Variants in ACSM3 observed in about 807,000 individuals in gnomAD.
ACSM3 encodes the protein acyl-CoA synthetase medium chain family member 3.
Under a neutral mutation model 74.1 loss-of-function variants are expected in ACSM3, and 61 were observed. That is an observed-to-expected ratio of 0.82 (90% CI 0.67 to 1.02). The LOEUF is 1.02. Among genes scored for constraint, ACSM3 ranks in the 50% least tolerant of loss-of-function variants. The probability of loss-of-function intolerance (pLI) is 0.00; values close to 1 mark genes in which losing one functional copy is unlikely to be tolerated. For missense variants in ACSM3, 660 were observed against 697.0 expected, an observed-to-expected ratio of 0.95 and a Z score of 0.60; for synonymous variants, 213 against 241.5, an observed-to-expected ratio of 0.88 and a Z score of 1.09.
rs564108348 is a variant in ACSM3 at position 20,781,012 on chromosome 16, A to C, written c.821A>C (p.Asn274Thr). ...LDLTPSDVMW[N>T]TSDTGWAKSA... ...TTGACACCCTCAGATGTGATGTGGA[A>C]TACCTCAGATACGGGCTGGGCAAAG... Residue 274 changes from asparagine to threonine, a missense_variant, in exon 6 of 14, where the codon AAT becomes ACT. Physicochemically the swap from Asn to Thr is moderately conservative, Grantham distance 65. Coordinates refer to ENST00000289416, the MANE Select transcript of ACSM3 (RefSeq NM_005622.4). 2.5e-6 allele frequency: 4 copies of C among 1,614,192 alleles called. No individual in the cohort carries two copies. In the African/African-American group the frequency reaches 4.0e-5, roughly 16 times the overall value.
chr16:20,736,078 TTTA>T (rs1440078698), intron 1 of ACSM3: 1 of 152,234 alleles, frequency 6.6e-6, no homozygotes, highest in African/African-American at 2.4e-5. Context: ...GTGGCTGTGA[TTTA>T]TTGTTACAAT....
intron 1 of ACSM3, among the ~76,000 whole-genome samples, chr16:20,694,550 C>G (rs2079679616): frequency 6.6e-6 from 1 of 152,172 alleles, no homozygotes; most frequent in Non-Finnish European, 1.5e-5. Flanking sequence ...TGCAATTTTT[C>G]TATGCAGGTG....
chr16:20,704,060 T>C (rs1352512815), intron 1 of ACSM3, among the ~76,000 whole-genome samples: 1 of 152,216 alleles, frequency 6.6e-6, no homozygotes. Flanking sequence ...ACTTCTTAAG[T>C]ACACATTGCT....
At chr16:20,691,183 C>T in intron 1 of ACSM3, 1 of 1,580,804 alleles carries the variant, frequency 6.3e-7, no homozygotes, top group Non-Finnish European at 8.6e-7. Flanking sequence ...TCATTAGCCA[C>T]TGCATGGTGA....
intron 2 of ACSM3, among the ~76,000 whole-genome samples, chr16:20,775,440 G>A (rs369109362): frequency 1.4e-3 from 216 of 152,266 alleles, no homozygotes; most frequent in South Asian, 0.011. Flanking sequence ...TACTGCTGAG[G>A]ATCTTCCACT....
At chr16:20,788,064 GTTA>G (rs931250541) in intron 9 of ACSM3, among the ~76,000 whole-genome samples, 5 of 152,068 alleles carry the variant, frequency 3.3e-5, no homozygotes, top group African/African-American at 9.7e-5. Context: ...GATGGGTACT[GTTA>G]TTTACTTCTC....
intron 1 of ACSM3, chr16:20,735,985 T>C (rs1007123811): frequency 5.9e-5 from 9 of 152,212 alleles, no homozygotes. Flanking sequence ...ACCTTTTGAC[T>C]AAAGGTGATT....
intron 4 of ACSM3, among the ~76,000 whole-genome samples, chr16:20,779,527 A>G (rs775350751): frequency 6.6e-6 from 1 of 152,156 alleles, no homozygotes; most frequent in Non-Finnish European, 1.5e-5. Context: ...TCAACCCCAC[A>G]TGCCTGGATA....
At chr16:20,745,560 C>A (rs1025313272) in intron 1 of ACSM3, among the ~76,000 whole-genome samples, 1 of 150,574 alleles carries the variant, frequency 6.6e-6, no homozygotes, top group Non-Finnish European at 1.5e-5. Flanking sequence ...CCAGCCTGGG[C>A]AAAATAGACT....
intron 1 of ACSM3, among the ~76,000 whole-genome samples, chr16:20,741,165 GACA>G (rs2079916426): frequency 6.6e-6 from 1 of 152,202 alleles, no homozygotes; most frequent in Admixed American, 6.5e-5. Context: ...TGGAGGCTGA[GACA>G]GGAGAAGTCG....
rs998645565 is a variant in ACSM3, at chr16:20,781,072, A to C, written c.881A>C (p.Gln294Pro). 3 of 1,614,066 alleles carry C rather than the reference A, an allele frequency of 1.9e-6. No individual in the cohort carries two copies. Among genetic ancestry groups the C allele is most frequent in the Non-Finnish European group, 2.5e-6 (3 of 1,180,034 alleles). ...AWSSVFSPWI[Q>P]GACVFTHHLP... ...AGTAGTGTTTTTTCTCCGTGGATCC[A>C]GGGAGCATGTGTATTCACACACCAT... Residue 294 changes from glutamine to proline, a missense_variant, in exon 6 of 14, where the codon CAG (glutamine) becomes CCG (proline). Physicochemically the swap from Gln to Pro is moderately conservative, Grantham distance 76. Coordinates refer to ENST00000289416, the MANE Select transcript of ACSM3 (RefSeq NM_005622.4).
At chr16:20,773,578 CA>C (rs1383784727) in intron 2 of ACSM3, among the ~76,000 whole-genome samples, 2 of 152,078 alleles carry the variant, frequency 1.3e-5, no homozygotes, top group African/African-American at 4.8e-5. Context: ...ATTTTCAAGA[CA>C]TTTTTTGCTT....
In ACSM3 at chr16:20,756,368, A is replaced by G. The variant is rs1160540352; in HGVS notation, c.-52+752A>G. ...GTATCTCATTGTGGTTTTGATTTGC[A>G]TTTCTCTGATGGCCAGTGATGATGA... On this transcript the variant is annotated intron_variant, in intron 3 of 3. Transcript: ENST00000561584. Among the ~76,000 whole-genome samples, 4 of 151,686 alleles carry G rather than the reference A, an allele frequency of 2.6e-5. No homozygotes were observed. The East Asian group carries it at 7.7e-4, about 29-fold the overall frequency.
chr16:20,742,728 A>G (rs2079938014), intron 1 of ACSM3, among the ~76,000 whole-genome samples: 2 of 149,466 alleles, frequency 1.3e-5, no homozygotes. Context: ...CAAGTGGCTG[A>G]CTCTGGAGCC....
At chr16:20,751,851 A>G (rs1035298713) in intron 2 of ACSM3, among the ~76,000 whole-genome samples, 1 of 152,208 alleles carries the variant, frequency 6.6e-6, no homozygotes, top group Non-Finnish European at 1.5e-5. Context: ...CTCCAGCCAA[A>G]CTGATTCTAG....
intron 1 of ACSM3, among the ~76,000 whole-genome samples, chr16:20,701,347 A>G (rs2079712285): frequency 6.6e-6 from 1 of 152,102 alleles, no homozygotes; most frequent in Non-Finnish European, 1.5e-5. Flanking sequence ...TTGACCAATG[A>G]CTTCCCCACT....
intron 1 of ACSM3, among the ~76,000 whole-genome samples, chr16:20,739,364 T>G (rs1045201593): frequency 6.6e-6 from 1 of 151,898 alleles, no homozygotes; most frequent in East Asian, 2.0e-4. Context: ...TTAGTAGAGA[T>G]GGGGTTTCGC....
intron 1 of ACSM3, among the ~76,000 whole-genome samples, chr16:20,675,023 A>G (rs1046467102): frequency 2.6e-5 from 4 of 152,196 alleles, no homozygotes; most frequent in Non-Finnish European, 4.4e-5. Flanking sequence ...ATACAGCGGC[A>G]AGTGCAGCAA....
At chr16:20,737,761 TTG>T (rs2079883077) in intron 1 of ACSM3, 2 of 1,613,922 alleles carry the variant, frequency 1.2e-6, no homozygotes. Context: ...ATTTCGAGAT[TTG>T]TACACAATCT....
Sources: gnomAD v4.1 joint callset for allele counts (sites outside exome capture counted in the v4.1 genomes callset) on GRCh38, gnomAD v4.1.1 for gene constraint, MANE v1.5 for transcripts, NCBI Gene and HGNC (gene_info 2026-07-23, HGNC 2026-07-21) for gene names.